SREBF2: variants seen among roughly 807,000 people sequenced by gnomAD.
The protein encoded by SREBF2 is sterol regulatory element binding transcription factor 2, also known as sterol regulatory element-binding protein 2.
SREBF2 carries 55 observed loss-of-function variants against 113.1 expected under a neutral mutation model. The ratio of observed to expected loss-of-function variants is 0.49; its 90% confidence interval spans 0.39 to 0.61. The LOEUF (loss-of-function observed/expected upper bound fraction) is 0.61, where lower values mean the gene tolerates loss of function less well. Among genes scored for constraint, SREBF2 ranks in the 20% least tolerant of loss-of-function variants. The pLI, the probability that SREBF2 is intolerant of heterozygous loss-of-function variation, is 0.00. For synonymous variants in SREBF2, 593 were observed against 605.7 expected (o/e 0.98, Z 0.31); for missense variants, 1,349 against 1,487.4 (o/e 0.91, Z 1.53).
At chr22:41,879,626 G>A (rs2077227429) in intron 9 of SREBF2, among the ~76,000 whole-genome samples, 1 of 152,210 alleles carries the variant, frequency 6.6e-6, no homozygotes, top group Non-Finnish European at 1.5e-5. Flanking sequence ...GCACCTTAGA[G>A]ACTGTTGCTG....
intron 12 of SREBF2, among the ~76,000 whole-genome samples, chr22:41,894,264 T>C (rs887937062): frequency 1.9e-4 from 29 of 151,990 alleles, no homozygotes; most frequent in African/African-American, 6.8e-4. Context: ...GGCTGGTGAT[T>C]TGAGGCCTGC....
At chr22:41,890,152 G>T (rs926147036) in intron 11 of SREBF2, among the ~76,000 whole-genome samples, 2 of 152,232 alleles carry the variant, frequency 1.3e-5, no homozygotes, top group East Asian at 3.9e-4. Context: ...CACAAGCATG[G>T]TGTCACTGTT....
In SREBF2 at chr22:41,875,666, G is replaced by A. The variant is rs761502210; in HGVS notation, c.1328G>A (p.Gly443Asp). The A allele has an allele frequency of 6.2e-7, 1 of 1,614,148 alleles. No individual in the cohort carries two copies. The highest frequency in any genetic ancestry group is 8.5e-7 in the Non-Finnish European group (1 of 1,180,018). ...GCCTCTGACTCAGGGTCCCAGGCTGGCTTCTCTCCCTACTCCATTGACTCT... is the reference window on the plus strand; with the variant it reads ...GCCTCTGACTCAGGGTCCCAGGCTGACTTCTCTCCCTACTCCATTGACTCT... ...PPASDSGSQA[G>D]FSPYSIDSEP... The change falls in exon 7 of 19, where the codon GGC becomes GAC. Residue 443 changes from glycine to aspartate, a missense_variant. Coordinates refer to ENST00000361204, the MANE Select transcript of SREBF2 (RefSeq NM_004599.4).
chr22:41,890,978 T>G (rs1471195669), intron 11 of SREBF2, among the ~76,000 whole-genome samples: 1 of 152,140 alleles, frequency 6.6e-6, no homozygotes, highest in Non-Finnish European at 1.5e-5. Flanking sequence ...ACATTTGCCT[T>G]TCTGGTTCCT....
intron 1 of SREBF2, among the ~76,000 whole-genome samples, chr22:41,861,930 A>G (rs552383509): frequency 6.6e-6 from 1 of 152,182 alleles, no homozygotes; most frequent in African/African-American, 2.4e-5. Context: ...AAAAAAAAAA[A>G]AATTATTAAA....
intron 9 of SREBF2, among the ~76,000 whole-genome samples, chr22:41,878,915 G>A (rs969670657): frequency 2.0e-5 from 3 of 152,198 alleles, no homozygotes; most frequent in African/African-American, 4.8e-5. Flanking sequence ...AACATCCCAA[G>A]ATGTATATCC....
At chr22:41,904,422 T>A (rs974296027) in intron 17 of SREBF2, 1 of 378,464 alleles carries the variant, frequency 2.6e-6, no homozygotes, top group African/African-American at 2.1e-5. Flanking sequence ...ACCTCTAGAC[T>A]CTCTTCCTTT....
In SREBF2 at chr22:41,906,039, GTC is replaced by G. The variant is rs1301754935; in HGVS notation, c.*383_*384del. 13 of 477,908 alleles carry G rather than the reference GTC, an allele frequency of 2.7e-5. No individual in the cohort carries two copies. The highest frequency in any genetic ancestry group is 4.5e-5 in the Non-Finnish European group (11 of 241,856). 29.6% of individuals were successfully genotyped at this position (477,908 alleles called of 1,614,324 possible). A position where few individuals can be genotyped will look rare whatever the true frequency, so the allele number is the denominator to read the frequency against. ...ATCAGGCTTTCTCTGGGGGACAGCAGTCTCTGAGCACCAGGGAGCAGTTGCCC... is the reference window on the plus strand; with the variant it reads ...ATCAGGCTTTCTCTGGGGGACAGCAGTCTGAGCACCAGGGAGCAGTTGCCC... On this transcript the variant is annotated 3_prime_UTR_variant, in exon 19 of 19. Coordinates refer to ENST00000361204, the MANE Select transcript of SREBF2 (RefSeq NM_004599.4).
chr22:41,862,715 C>G (rs1011615050), intron 1 of SREBF2, among the ~76,000 whole-genome samples: 1 of 152,174 alleles, frequency 6.6e-6, no homozygotes, highest in Non-Finnish European at 1.5e-5. Context: ...CCTCCTCTTT[C>G]CTGGCACCGC....
At chr22:41,837,069 A>T (rs1385487466) in intron 1 of SREBF2, among the ~76,000 whole-genome samples, 1 of 152,162 alleles carries the variant, frequency 6.6e-6, no homozygotes, top group Non-Finnish European at 1.5e-5. Flanking sequence ...TACATTCTTG[A>T]TGGAGGAAAT....
intron 1 of SREBF2, among the ~76,000 whole-genome samples, chr22:41,851,991 G>A (rs2076936546): frequency 1.3e-5 from 2 of 152,010 alleles, no homozygotes; most frequent in African/African-American, 2.4e-5. Flanking sequence ...CATGGTAGCG[G>A]ATGCCTGTAG....
intron 14 of SREBF2, 68 bp downstream of exon 14, chr22:41,897,229 A>G: frequency 9.7e-7 from 1 of 1,033,024 alleles, no homozygotes; most frequent in South Asian, 1.4e-5. Flanking sequence ...CTTTTGCCCC[A>G]GGGGTCCAGG....
At chr22:41,892,281 CAAAGTA>C (rs1259380406) in intron 11 of SREBF2, among the ~76,000 whole-genome samples, 1 of 152,096 alleles carries the variant, frequency 6.6e-6, no homozygotes, top group Non-Finnish European at 1.5e-5. Context: ...ACTTTACACG[CAAAGTA>C]AAAGTAAAAG....
chr22:41,838,008 C>G (rs2076795436), intron 1 of SREBF2, among the ~76,000 whole-genome samples: 1 of 152,138 alleles, frequency 6.6e-6, no homozygotes, highest in Non-Finnish European at 1.5e-5. Flanking sequence ...CCTGTTGTCC[C>G]AGGCCCCCAG....
chr22:41,905,097 T>A, intron 18 of SREBF2, 123 bp downstream of exon 18: 1 of 985,908 alleles, frequency 1.0e-6, no homozygotes, highest in South Asian at 1.5e-5. Flanking sequence ...CTCGCCTCTC[T>A]GAGAATGAAA....
chr22:41,839,237 A>AT (rs1385376155), intron 1 of SREBF2, among the ~76,000 whole-genome samples: 2 of 152,260 alleles, frequency 1.3e-5, no homozygotes, highest in East Asian at 3.9e-4. Flanking sequence ...AATGATGAAA[A>AT]TTTATCTTAA....
chr22:41,907,068 T>G lies in SREBF2; in HGVS notation c.*1408T>G, dbSNP rs2077515376. On this transcript the variant is annotated 3_prime_UTR_variant, in exon 19 of 19. Coordinates refer to ENST00000361204, the MANE Select transcript of SREBF2 (RefSeq NM_004599.4). ...AGGCTGGAATGTTATCCCTGGGGTGTGCTTGGACCCCACCTGCTTTCTTTC... is the reference window on the plus strand; with the variant it reads ...AGGCTGGAATGTTATCCCTGGGGTGGGCTTGGACCCCACCTGCTTTCTTTC... The G allele has an allele frequency of 6.6e-6, 1 of 152,166 alleles. No homozygotes were observed. The allele number at this position is 152,166 out of a possible 1,614,324, so 9.4% of individuals were successfully genotyped here. A position where few individuals can be genotyped will look rare whatever the true frequency, so the allele number is the denominator to read the frequency against.
At chr22:41,901,063 G>A in intron 16 of SREBF2, 1 of 474,378 alleles carries the variant, frequency 2.1e-6, no homozygotes, top group Non-Finnish European at 4.3e-6. Context: ...CCTATCAGGT[G>A]GGGGAGGGGA....
At chr22:41,856,411 G>T (rs1325967718) in intron 1 of SREBF2, among the ~76,000 whole-genome samples, 1 of 152,186 alleles carries the variant, frequency 6.6e-6, no homozygotes, top group Non-Finnish European at 1.5e-5. Flanking sequence ...TTACAGGCAT[G>T]TGCCACCACA....
Sources: allele counts gnomAD v4.1 joint callset (sites outside exome capture counted in the v4.1 genomes callset), GRCh38; gene constraint gnomAD v4.1.1; transcripts MANE v1.5; gene names NCBI Gene and HGNC (gene_info 2026-07-23, HGNC 2026-07-21).